TENM4: variants seen among roughly 807,000 people sequenced by gnomAD.
TENM4 encodes the protein teneurin-4.
In TENM4, 82 loss-of-function variants were observed where a neutral mutation model predicts 243.3. That is an observed-to-expected ratio of 0.34 (90% CI 0.28 to 0.40). The LOEUF is 0.40. TENM4 is among the 10% of genes least tolerant of loss of function. TENM4 has a pLI of 1.00. For missense variants in TENM4, 3,138 were observed against 3,673.3 expected (o/e 0.85, Z 3.77); for synonymous variants, 1,412 against 1,456.3 (o/e 0.97, Z 0.69).
chr11:79,185,552 C>T (rs1312520906), intron 3 of TENM4, among the ~76,000 whole-genome samples: 1 of 152,170 alleles, frequency 6.6e-6, no homozygotes, highest in Non-Finnish European at 1.5e-5. Context: ...CCATTTGACT[C>T]TTGGTGCCAG....
chr11:79,411,692 G>C (rs186051753), intron 1 of TENM4, among the ~76,000 whole-genome samples: 147 of 152,222 alleles, frequency 9.7e-4, no homozygotes, highest in African/African-American at 3.4e-3. Flanking sequence ...TGAGGTTTTG[G>C]GGTTTTTGGT....
chr11:79,108,313 C>A (rs767774792), intron 4 of TENM4, among the ~76,000 whole-genome samples: 3 of 152,106 alleles, frequency 2.0e-5, no homozygotes, highest in Non-Finnish European at 4.4e-5. Flanking sequence ...GCCTTAAGAG[C>A]AAAAACTGAG....
At chr11:79,292,711 A>G (rs1023422576) in intron 2 of TENM4, among the ~76,000 whole-genome samples, 1 of 152,264 alleles carries the variant, frequency 6.6e-6, no homozygotes, top group African/African-American at 2.4e-5. Flanking sequence ...ATGTCAGTCA[A>G]GCTGGGTCCC....
intron 3 of TENM4, among the ~76,000 whole-genome samples, chr11:79,176,335 A>G (rs748967393): frequency 6.6e-6 from 1 of 152,152 alleles, no homozygotes; most frequent in Non-Finnish European, 1.5e-5. Flanking sequence ...GTTCTGCTCA[A>G]TGGCCACTGA....
intron 1 of TENM4, among the ~76,000 whole-genome samples, chr11:79,355,218 G>A (rs1401618634): frequency 6.6e-6 from 1 of 152,166 alleles, no homozygotes; most frequent in Non-Finnish European, 1.5e-5. Flanking sequence ...TGTGAACTTA[G>A]GTGAGAACTT....
chr11:79,224,393 C>G (rs1864221602), intron 2 of TENM4, among the ~76,000 whole-genome samples: 1 of 151,864 alleles, frequency 6.6e-6, no homozygotes, highest in African/African-American at 2.4e-5. Flanking sequence ...AGAATTCTTC[C>G]CTGGGATTTC....
rs1035637786 is a variant in TENM4 at position 79,392,373 on chromosome 11, G to C, written c.-321+48136C>G. 2.0e-5 allele frequency among the ~76,000 whole-genome samples: 3 copies of C among 152,236 alleles called. No homozygotes were observed. In the East Asian group the frequency reaches 5.8e-4, roughly 29 times the overall value. On this transcript the variant is annotated intron_variant, in intron 1 of 33. Transcript: ENST00000278550. ...ACTTCATTGGCTAATTAGGAGATAC[G>C]CACGTTGTGAATTGCTGATGGCCTT...
chr11:79,165,617 T>C (rs142547510), intron 3 of TENM4, among the ~76,000 whole-genome samples: 114 of 152,326 alleles, frequency 7.5e-4, no homozygotes, highest in Middle Eastern at 3.4e-3. Context: ...TTATTTCTTT[T>C]GCTGTGCAAA....
At chr11:79,325,226 G>T (rs551318) in intron 1 of TENM4, among the ~76,000 whole-genome samples, 1 of 152,072 alleles carries the variant, frequency 6.6e-6, no homozygotes, top group Non-Finnish European at 1.5e-5. Flanking sequence ...GGTCCCCAAC[G>T]TCCACACTTT....
intron 4 of TENM4, among the ~76,000 whole-genome samples, chr11:79,080,424 A>T (rs1860638404): frequency 6.6e-6 from 1 of 152,248 alleles, no homozygotes; most frequent in Non-Finnish European, 1.5e-5. Context: ...TGGGGTGGGC[A>T]GCAGAGGCTG....
At chr11:79,370,612 G>A (rs1454938346) in intron 1 of TENM4, among the ~76,000 whole-genome samples, 2 of 151,922 alleles carry the variant, frequency 1.3e-5, no homozygotes, top group Non-Finnish European at 2.9e-5. Context: ...TTCCTAAAGC[G>A]TGGGGCTTCT....
chr11:78,711,588 C>A (rs1055849361), intron 26 of TENM4, among the ~76,000 whole-genome samples: 9 of 151,994 alleles, frequency 5.9e-5, no homozygotes, highest in Admixed American at 1.3e-4. Flanking sequence ...TAATTTTGAC[C>A]ATCAGAATAA....
Position 78,722,676 on chromosome 11 carries a change from T to C in TENM4, c.3792A>G (p.Leu1264=), listed in dbSNP as rs528754732. The stretch of plus-strand genomic sequence containing the variant: ...AGCATCACCTTACATACCTCAGCTC[T>C]AGGATGTTGGTGACATTTCCAGAGG... ...IFPSGNVTNI[L]ELRNKDFRHS... The change falls in exon 24 of 34, where the codon CTA becomes CTG. Residue 1264 remains leucine (L), a synonymous_variant. Coordinates refer to ENST00000278550, the MANE Select transcript of TENM4 (RefSeq NM_001098816.3). 2 of 1,613,090 alleles carry C rather than the reference T, an allele frequency of 1.2e-6. No homozygotes were observed.
intron 12 of TENM4, among the ~76,000 whole-genome samples, chr11:78,844,655 A>G (rs948659150): frequency 2.0e-5 from 3 of 150,592 alleles, no homozygotes; most frequent in Non-Finnish European, 3.0e-5. Context: ...AAAAAAAAGG[A>G]GGAAAAGACA....
intron 30 of TENM4, among the ~76,000 whole-genome samples, chr11:78,673,419 C>T (rs1858385931): frequency 6.6e-6 from 1 of 152,088 alleles, no homozygotes; most frequent in South Asian, 2.1e-4. Context: ...ATACAGAAGA[C>T]CCAAGAGGAA....
intron 6 of TENM4, among the ~76,000 whole-genome samples, chr11:79,049,500 G>C (rs550103884): frequency 3.3e-5 from 5 of 152,322 alleles, no homozygotes; most frequent in African/African-American, 9.6e-5. Context: ...AAGAGGCAGG[G>C]GGCAGAAAGG....
intron 9 of TENM4, among the ~76,000 whole-genome samples, chr11:78,871,338 T>C (rs1859122170): frequency 7.0e-6 from 1 of 142,328 alleles, no homozygotes; most frequent in African/African-American, 2.4e-5. Flanking sequence ...AACTACCAGA[T>C]GGGAGCTCTC....
In TENM4 at chr11:79,061,934, T is replaced by A. The variant is rs535054341; in HGVS notation, c.493+2804A>T. Among the ~76,000 whole-genome samples, 11 of 152,044 alleles carry A rather than the reference T, an allele frequency of 7.2e-5. No homozygotes were observed. The South Asian group carries it at 2.3e-3, about 32-fold the overall frequency. Reference sequence around the variant, plus strand: ...ATAATATAGCTAAAGCAGTTAGCACTGTGCTTAGGTTGAGATAATCGGTGG... The same window carrying A: ...ATAATATAGCTAAAGCAGTTAGCACAGTGCTTAGGTTGAGATAATCGGTGG... On this transcript the variant is annotated intron_variant, in intron 6 of 33. Transcript: ENST00000278550.
chr11:79,075,955 C>T (rs1337241057), intron 4 of TENM4, among the ~76,000 whole-genome samples: 3 of 152,236 alleles, frequency 2.0e-5, no homozygotes, highest in African/African-American at 4.8e-5. Context: ...CTCACCATCT[C>T]TCTGGGGTGT....
Sources: allele counts gnomAD v4.1 joint callset (sites outside exome capture counted in the v4.1 genomes callset), GRCh38; gene constraint gnomAD v4.1.1; transcripts MANE v1.5; gene names NCBI Gene and HGNC (gene_info 2026-07-23, HGNC 2026-07-21).